MMS22L: variants seen among roughly 807,000 people sequenced by gnomAD.
MMS22L encodes the protein MMS22 like, DNA repair protein.
MMS22L carries 74 observed loss-of-function variants against 159.1 expected under a neutral mutation model. That is an observed-to-expected ratio of 0.47 (90% CI 0.39 to 0.56). The LOEUF (loss-of-function observed/expected upper bound fraction) is 0.56, where lower values mean the gene tolerates loss of function less well. MMS22L is among the 20% of genes least tolerant of loss of function. The pLI, the probability that MMS22L is intolerant of heterozygous loss-of-function variation, is 0.00. For missense variants in MMS22L, 1,351 were observed against 1,422.1 expected, an observed-to-expected ratio of 0.95 and a Z score of 0.80; for synonymous variants, 517 against 506.9, an observed-to-expected ratio of 1.02 and a Z score of -0.27.
At chr6:97,204,439 C>T (rs1807530493) in intron 14 of MMS22L, among the ~76,000 whole-genome samples, 2 of 152,036 alleles carry the variant, frequency 1.3e-5, no homozygotes, top group Admixed American at 6.6e-5. Flanking sequence ...AAACAGTGAA[C>T]GTGAAAGAAA....
Position 97,233,443 on chromosome 6 carries a change from C to G in MMS22L, c.1302+418G>C, listed in dbSNP as rs547447611. Among the ~76,000 whole-genome samples the G allele has an allele frequency of 2.6e-4, 39 of 152,226 alleles. 1 individual carries two copies. The South Asian group carries it at 8.1e-3, about 32-fold the overall frequency. Reference sequence around the variant, plus strand: ...GTTAGATACCCTCTCCTCTGGAGTTCCACAATTATAACTTTTTTCCCACAA... The same window carrying G: ...GTTAGATACCCTCTCCTCTGGAGTTGCACAATTATAACTTTTTTCCCACAA... On this transcript the variant is annotated intron_variant, in intron 12 of 24. Coordinates refer to ENST00000683635, the MANE Select transcript of MMS22L (RefSeq NM_001350599.2).
chr6:97,224,979 G>C (rs1048730089), intron 14 of MMS22L, among the ~76,000 whole-genome samples: 5 of 152,136 alleles, frequency 3.3e-5, no homozygotes, highest in Admixed American at 6.5e-5. Context: ...TTGGTTAAGA[G>C]TCTGAGTGCC....
In MMS22L at chr6:97,196,556, G is replaced by A. The variant is rs527946882; in HGVS notation, c.2040-9866C>T. 2.6e-5 allele frequency among the ~76,000 whole-genome samples: 4 copies of A among 152,194 alleles called. No individual in the cohort carries two copies. In the South Asian group the frequency reaches 6.2e-4, roughly 24 times the overall value. ...TAAGGAACAGGTCATAGAGGATCAT[G>A]TCATCTCAAAAAGTTAGAGCCAAAA... On this transcript the variant is annotated intron_variant, in intron 14 of 24. Transcript: ENST00000683635.
chr6:97,204,758 G>A (rs1012416287), intron 14 of MMS22L, among the ~76,000 whole-genome samples: 4 of 138,456 alleles, frequency 2.9e-5, no homozygotes, highest in Non-Finnish European at 6.1e-5. Context: ...TCGTGCCATT[G>A]CACTCCAGCC....
chr6:97,160,818 T>C (rs1239548256), intron 22 of MMS22L, among the ~76,000 whole-genome samples: 1 of 152,050 alleles, frequency 6.6e-6, no homozygotes, highest in Non-Finnish European at 1.5e-5. Context: ...TTAGATTGTA[T>C]GATCTGTATT....
intron 14 of MMS22L, among the ~76,000 whole-genome samples, chr6:97,187,559 G>C (rs1582524524): frequency 6.6e-6 from 1 of 151,798 alleles, no homozygotes; most frequent in Non-Finnish European, 1.5e-5. Context: ...ATAAATGCAT[G>C]GATACATTTA....
At chr6:97,281,126 C>A in intron 3 of MMS22L, 111 bp downstream of exon 3, 1 of 1,046,816 alleles carries the variant, frequency 9.6e-7, no homozygotes, top group South Asian at 1.9e-5. Flanking sequence ...AGTGAGCAAC[C>A]AGCACAATTC....
Position 97,241,771 on chromosome 6 carries a change from T to C in MMS22L, c.1182+4857A>G, listed in dbSNP as rs145320585. Among the ~76,000 whole-genome samples the C allele has an allele frequency of 6.7e-3, 1,015 of 152,224 alleles. 12 individuals carry two copies. The highest frequency in any genetic ancestry group is 0.022 in the African/African-American group (911 of 41,570). On this transcript the variant is annotated intron_variant, in intron 11 of 24. Coordinates refer to ENST00000683635, the MANE Select transcript of MMS22L (RefSeq NM_001350599.2). The stretch of plus-strand genomic sequence containing the variant: ...ATGAACTTTCCTCTTAGCACTGCTT[T>C]TGCTGTACCTCAGAGGTTTTGATAG...
chr6:97,274,749 G>A (rs1437739742), intron 4 of MMS22L, among the ~76,000 whole-genome samples: 1 of 152,062 alleles, frequency 6.6e-6, no homozygotes, highest in Non-Finnish European at 1.5e-5. Context: ...TTCTGGAAGG[G>A]TACAGAAGTG....
At chr6:97,181,663 A>G (rs1804721369) in intron 16 of MMS22L, among the ~76,000 whole-genome samples, 1 of 152,210 alleles carries the variant, frequency 6.6e-6, no homozygotes, top group South Asian at 2.1e-4. Flanking sequence ...CAGTCTTACA[A>G]AAACAGTTTT....
chr6:97,233,854 C>T lies in MMS22L; in HGVS notation c.1302+7G>A, dbSNP rs377287884. The T allele has an allele frequency of 2.5e-6, 4 of 1,590,616 alleles. No homozygotes were observed. The highest frequency in any genetic ancestry group is 3.4e-6 in the Non-Finnish European group (4 of 1,171,168). ...TCCTGGAGCAAATTCCTATTCTATT[C>T]ACTCACCAGGTTCTTACTATAATAT... On this transcript the variant is annotated splice_region_variant and intron_variant, in intron 12 of 24. Coordinates refer to ENST00000683635, the MANE Select transcript of MMS22L (RefSeq NM_001350599.2).
intron 14 of MMS22L, among the ~76,000 whole-genome samples, chr6:97,188,141 C>G (rs1478032289): frequency 6.6e-6 from 1 of 152,162 alleles, no homozygotes; most frequent in Non-Finnish European, 1.5e-5. Flanking sequence ...CCACTAAAAT[C>G]TATCTGGCAA....
rs764214870 is a variant in MMS22L at position 97,231,608 on chromosome 6, A to C, written c.1347T>G (p.Ala449=). ...TAGACAAGGGTGACTTCATGGTATTAGCAAGGCCTTTAAAAGGAAGCCAAG... is the reference window on the plus strand; with the variant it reads ...TAGACAAGGGTGACTTCATGGTATTCGCAAGGCCTTTAAAAGGAAGCCAAG... ...SISWLPFKGL[A]NTMKSPLSML... is the part of the protein sequence containing the mutation. The change falls in exon 13 of 25, where the codon GCT becomes GCG. Residue 449 remains alanine, a synonymous_variant. Coordinates refer to ENST00000683635, the MANE Select transcript of MMS22L (RefSeq NM_001350599.2). 1.9e-6 allele frequency: 3 copies of C among 1,613,784 alleles called. No individual in the cohort carries two copies. The highest frequency in any genetic ancestry group is 2.5e-6 in the Non-Finnish European group (3 of 1,179,786).
intron 14 of MMS22L, among the ~76,000 whole-genome samples, chr6:97,213,840 A>C (rs1423971791): frequency 2.0e-5 from 3 of 152,182 alleles, no homozygotes; most frequent in Admixed American, 1.3e-4. Flanking sequence ...ACTGGAAAAT[A>C]AAAGTTAATT....
chr6:97,278,823 T>C (rs776126053), intron 4 of MMS22L, 26 bp downstream of exon 4: 10 of 1,603,926 alleles, frequency 6.2e-6, no homozygotes, highest in Non-Finnish European at 7.7e-6. Flanking sequence ...CCATTCCCTT[T>C]TGCATTAAAC....
intron 16 of MMS22L, 136 bp downstream of exon 16, chr6:97,181,768 C>G: frequency 3.6e-6 from 3 of 838,952 alleles, no homozygotes; most frequent in Non-Finnish European, 5.1e-6. Context: ...GCTGATATAT[C>G]TGAAAGCAAA....
At chr6:97,189,008 A>C (rs1805559288) in intron 14 of MMS22L, among the ~76,000 whole-genome samples, 1 of 151,642 alleles carries the variant, frequency 6.6e-6, no homozygotes, top group South Asian at 2.1e-4. Context: ...AAGGAATTTC[A>C]GAAAGCTTAA....
intron 3 of MMS22L, among the ~76,000 whole-genome samples, chr6:97,279,415 T>C (rs915021031): frequency 6.6e-6 from 1 of 151,766 alleles, no homozygotes; most frequent in Non-Finnish European, 1.5e-5. Context: ...ACCCAGGAGC[T>C]GGAGCTTGCA....
chr6:97,242,590 A>C (rs750983162), intron 11 of MMS22L, among the ~76,000 whole-genome samples: 1 of 152,104 alleles, frequency 6.6e-6, no homozygotes, highest in Non-Finnish European at 1.5e-5. Flanking sequence ...TTTACATACA[A>C]CGTTAGTATT....
Sources: gnomAD v4.1 joint callset for allele counts (sites outside exome capture counted in the v4.1 genomes callset) on GRCh38, gnomAD v4.1.1 for gene constraint, MANE v1.5 for transcripts, NCBI Gene and HGNC (gene_info 2026-07-23, HGNC 2026-07-21) for gene names.